DPP6: variants seen among roughly 807,000 people sequenced by gnomAD.
The protein encoded by DPP6 is dipeptidyl peptidase like 6.
Under a neutral mutation model 122.6 loss-of-function variants are expected in DPP6, and 69 were observed. The observed-to-expected ratio is 0.56, with a 90% CI of 0.46 to 0.69. The LOEUF (loss-of-function observed/expected upper bound fraction) is 0.69, where lower values mean the gene tolerates loss of function less well. DPP6 is among the 30% of genes least tolerant of loss of function. The probability of loss-of-function intolerance (pLI) is 0.00; values close to 1 mark genes in which losing one functional copy is unlikely to be tolerated. For synonymous variants in DPP6, 418 were observed against 433.1 expected, an observed-to-expected ratio of 0.97 and a Z score of 0.43; for missense variants, 928 against 1,116.9, an observed-to-expected ratio of 0.83 and a Z score of 2.41.
the DPP6 span, among the ~76,000 whole-genome samples, chr7:153,779,046 GA>G: frequency 7.5e-5 from 11 of 146,866 alleles, 1 homozygote; most frequent in East Asian, 1.9e-3. Flanking sequence ...ATGAATCTCG[GA>G]AAAAATAGGC....
chr7:154,557,486 G>T (rs1830129397), intron 4 of DPP6, among the ~76,000 whole-genome samples: 1 of 152,110 alleles, frequency 6.6e-6, no homozygotes, highest in Non-Finnish European at 1.5e-5. Context: ...CAAACATCTA[G>T]GGAGCATCTC....
chr7:154,198,013 C>T (rs76314424), intron 1 of DPP6, among the ~76,000 whole-genome samples: 4,892 of 152,248 alleles, frequency 0.032, 289 homozygotes, highest in African/African-American at 0.11. Flanking sequence ...GGGCAGGGAG[C>T]AGAACCATTT....
chr7:154,074,102 G>GATATCT (rs1803353053), intron 1 of DPP6, among the ~76,000 whole-genome samples: 1 of 55,090 alleles, frequency 1.8e-5, no homozygotes, highest in African/African-American at 8.3e-5. Context: ...GATCTATATA[G>GATATCT]AGATAGAGAG....
intron 1 of DPP6, among the ~76,000 whole-genome samples, chr7:154,395,300 A>T (rs1358470221): frequency 1.3e-5 from 2 of 152,230 alleles, no homozygotes; most frequent in African/African-American, 4.8e-5. Flanking sequence ...AGGTTTCAAC[A>T]TACAAATTTT....
intron 3 of DPP6, among the ~76,000 whole-genome samples, chr7:154,524,617 C>T (rs531090163): frequency 2.0e-5 from 3 of 152,232 alleles, no homozygotes; most frequent in Middle Eastern, 6.8e-3. Flanking sequence ...GACACTAGAC[C>T]AGGCATGTTT....
intron 2 of DPP6, among the ~76,000 whole-genome samples, chr7:154,453,225 G>C (rs1180310240): frequency 6.6e-6 from 1 of 152,068 alleles, no homozygotes; most frequent in Admixed American, 6.5e-5. Context: ...GGTGGACAGT[G>C]GTTTATGCCG....
At chr7:153,979,179 TG>T (rs1796454404) in intron 1 of DPP6, among the ~76,000 whole-genome samples, 1 of 152,170 alleles carries the variant, frequency 6.6e-6, no homozygotes, top group Non-Finnish European at 1.5e-5. Flanking sequence ...TCCATGACTA[TG>T]GAATGTTTTT....
rs1212018098 is a variant in DPP6, at chr7:154,062,022, GGA to G, written c.243+8961_243+8962del. Among the ~76,000 whole-genome samples, 5 of 130,204 alleles carry G rather than the reference GGA, an allele frequency of 3.8e-5. No individual in the cohort carries two copies. In the East Asian group the frequency reaches 1.1e-3, roughly 29 times the overall value. 85.4% of individuals were successfully genotyped at this position (130,204 alleles called of 152,430 possible). On this transcript the variant is annotated intron_variant, in intron 1 of 25. Coordinates refer to ENST00000377770, the MANE Select transcript of DPP6 (RefSeq NM_130797.4). ...GTTGGTACCCCCATCGCAGGGGGGG[GGA>G]GGCACCCCCCGCGAGGCAGGGACTG...
the DPP6 span, among the ~76,000 whole-genome samples, chr7:153,814,276 C>A: frequency 2.0e-5 from 3 of 152,126 alleles, no homozygotes; most frequent in Non-Finnish European, 4.4e-5. Context: ...AAGGGGATAT[C>A]ACCACCCATC....
chr7:153,787,152 G>A, the DPP6 span, among the ~76,000 whole-genome samples: 2 of 133,616 alleles, frequency 1.5e-5, no homozygotes, highest in Non-Finnish European at 3.3e-5. Context: ...GGGTTTCACC[G>A]TGTTAGCCAG....
chr7:154,551,515 G>C (rs1041143257), intron 4 of DPP6, among the ~76,000 whole-genome samples: 26 of 151,992 alleles, frequency 1.7e-4, no homozygotes, highest in African/African-American at 6.0e-4. Context: ...AATACGAGTG[G>C]CTGAATCTAT....
chr7:154,624,067 C>T lies in DPP6; in HGVS notation c.628-13754C>T, dbSNP rs1347816459. Among the ~76,000 whole-genome samples the T allele has an allele frequency of 3.9e-5, 6 of 151,934 alleles. No individual in the cohort carries two copies. The highest frequency in any genetic ancestry group is 2.1e-4 in the South Asian group (1 of 4,814). Reference sequence around the variant, plus strand: ...AAATTAGGCCGGGTGTAGTGGCTCACGCCAGTAATCCCAGCATTTGGAGAG... The same window carrying T: ...AAATTAGGCCGGGTGTAGTGGCTCATGCCAGTAATCCCAGCATTTGGAGAG... On this transcript the variant is annotated intron_variant, in intron 5 of 25. Transcript: ENST00000377770. The surrounding 1 kb of genome is among the most constrained non-coding windows in gnomAD (Gnocchi z 4.7).
intron 1 of DPP6, among the ~76,000 whole-genome samples, chr7:154,345,018 A>C (rs151202261): frequency 2.0e-4 from 31 of 152,352 alleles, no homozygotes; most frequent in African/African-American, 7.0e-4. Context: ...CGCTCGGCAA[A>C]TATCGCTGGT....
In DPP6 at chr7:154,023,320, A is replaced by ACGCACG. The variant is rs372465221; in HGVS notation, c.51+135587_51+135588insGCACGC. 1.1e-3 allele frequency among the ~76,000 whole-genome samples: 141 copies of ACGCACG among 127,828 alleles called. 1 individual carries two copies. Among genetic ancestry groups the ACGCACG allele is most frequent in the Non-Finnish European group, 1.8e-3 (111 of 60,024 alleles). 83.9% of individuals were successfully genotyped at this position (127,828 alleles called of 152,430 possible). On this transcript the variant is annotated intron_variant, in intron 1 of 25. Transcript: ENST00000404039. ...GGCTCTGGAAATGTTTCTTGTCTGC[A>ACGCACG]CACACACACACACACACACACACAC...
chr7:154,800,376 C>T (rs373029103), intron 12 of DPP6, among the ~76,000 whole-genome samples: 72 of 152,314 alleles, frequency 4.7e-4, no homozygotes, highest in Middle Eastern at 6.8e-3. Context: ...TTCTCATCCC[C>T]GCATTCGTGT....
chr7:153,977,198 GGTGTGTGT>G (rs55750679), intron 1 of DPP6, among the ~76,000 whole-genome samples: 1 of 149,630 alleles, frequency 6.7e-6, no homozygotes, highest in African/African-American at 2.5e-5. Flanking sequence ...TACCAATAGG[GGTGTGTGT>G]GTGTGTGTGT....
chr7:154,892,726 C>T lies in DPP6; in HGVS notation c.*246C>T. 1.2e-6 allele frequency: 1 copy of T among 808,326 alleles called. No homozygotes were observed. The highest frequency in any genetic ancestry group is 2.1e-6 in the Non-Finnish European group (1 of 479,980). 50.1% of individuals were successfully genotyped at this position (808,326 alleles called of 1,614,324 possible). A position where few individuals can be genotyped will look rare whatever the true frequency, so the allele number is the denominator to read the frequency against. On this transcript the variant is annotated 3_prime_UTR_variant, in exon 26 of 26. Transcript: ENST00000377770. ...CCGCAGCAGCGCCTCCTCCCGGCGC[C>T]CGAGAGACCGGCACGCCACGGCCCC...
intron 9 of DPP6, among the ~76,000 whole-genome samples, chr7:154,769,936 G>C (rs576659144): frequency 6.6e-6 from 1 of 152,152 alleles, no homozygotes; most frequent in African/African-American, 2.4e-5. Context: ...ACTTCCATCT[G>C]CCCCTGGTCC....
chr7:153,976,513 G>C (rs538749049), intron 1 of DPP6, among the ~76,000 whole-genome samples: 1 of 152,242 alleles, frequency 6.6e-6, no homozygotes, highest in Non-Finnish European at 1.5e-5. Context: ...AACTGCACTC[G>C]TACGTTTAAA....
Sources: allele counts gnomAD v4.1 joint callset (sites outside exome capture counted in the v4.1 genomes callset), GRCh38; gene constraint gnomAD v4.1.1; non-coding constraint Gnocchi (gnomAD v3.1); transcripts MANE v1.5; gene names NCBI Gene and HGNC (gene_info 2026-07-23, HGNC 2026-07-21).